Variants in NEK11 observed in about 807,000 individuals in gnomAD.
NEK11 encodes serine/threonine-protein kinase Nek11.
NEK11 carries 72 observed loss-of-function variants against 80.7 expected under a neutral mutation model. That is an observed-to-expected ratio of 0.89 (90% CI 0.74 to 1.08). NEK11 has a LOEUF of 1.08. NEK11 is among the 50% of genes least tolerant of loss of function. The pLI, the probability that NEK11 is intolerant of heterozygous loss-of-function variation, is 0.00. For synonymous variants in NEK11, 251 were observed against 260.7 expected, an observed-to-expected ratio of 0.96 and a Z score of 0.36; for missense variants, 764 against 763.6, an observed-to-expected ratio of 1.00 and a Z score of -0.01.
intron 3 of NEK11, among the ~76,000 whole-genome samples, chr3:131,079,831 C>T (rs1429383895): frequency 6.6e-6 from 1 of 151,884 alleles, no homozygotes; most frequent in Non-Finnish European, 1.5e-5. Context: ...AATATTGCTC[C>T]TATTGATATT....
chr3:131,040,308 A>G (rs2066283277), intron 3 of NEK11, among the ~76,000 whole-genome samples: 1 of 151,954 alleles, frequency 6.6e-6, no homozygotes, highest in Non-Finnish European at 1.5e-5. Flanking sequence ...TGAAAAAAAA[A>G]ACACCCAAAG....
At chr3:131,037,055 A>T (rs1039477145) in intron 3 of NEK11, among the ~76,000 whole-genome samples, 2 of 152,162 alleles carry the variant, frequency 1.3e-5, no homozygotes, top group Non-Finnish European at 1.5e-5. Context: ...GGATATCTAG[A>T]TTCTAGTGCC....
At chr3:131,247,634 A>G (rs2095625439) in intron 16 of NEK11, among the ~76,000 whole-genome samples, 1 of 151,822 alleles carries the variant, frequency 6.6e-6, no homozygotes, top group South Asian at 2.1e-4. Context: ...TATGAATTTT[A>G]GAGTTTCTTT....
chr3:131,263,031 T>A, intron 16 of NEK11, among the ~76,000 whole-genome samples: 1 of 152,206 alleles, frequency 6.6e-6, no homozygotes, highest in South Asian at 2.1e-4. Flanking sequence ...CCATGGCATA[T>A]ATGTGCCACA....
chr3:131,086,848 T>G (rs999861140), intron 4 of NEK11, among the ~76,000 whole-genome samples: 1 of 152,220 alleles, frequency 6.6e-6, no homozygotes, highest in African/African-American at 2.4e-5. Context: ...TGTGATGATA[T>G]GATTATTTTC....
chr3:131,232,636 G>A lies in NEK11; in HGVS notation c.1560+3948G>A, dbSNP rs2095352841. 3.9e-5 allele frequency among the ~76,000 whole-genome samples: 6 copies of A among 152,138 alleles called. No homozygotes were observed. In the South Asian group the frequency reaches 1.2e-3, roughly 32 times the overall value. ...CATTCAGAGGTTTTGAAATTCTTAGGAAAAACAATTGATTTTCTTCTTGGA... is the reference window on the plus strand; with the variant it reads ...CATTCAGAGGTTTTGAAATTCTTAGAAAAAACAATTGATTTTCTTCTTGGA... On this transcript the variant is annotated intron_variant, in intron 15 of 17. Coordinates refer to ENST00000383366, the MANE Select transcript of NEK11 (RefSeq NM_024800.5).
chr3:131,171,831 A>T (rs920645410), intron 14 of NEK11, among the ~76,000 whole-genome samples: 2 of 151,984 alleles, frequency 1.3e-5, no homozygotes, highest in African/African-American at 4.8e-5. Context: ...GGAACATGCT[A>T]AGCACTCAAT....
At chr3:131,178,415 G>T (rs1383702804) in intron 14 of NEK11, among the ~76,000 whole-genome samples, 2 of 152,042 alleles carry the variant, frequency 1.3e-5, no homozygotes, top group East Asian at 3.8e-4. Flanking sequence ...CAAACACATT[G>T]TACAGCTGTA....
intron 7 of NEK11, among the ~76,000 whole-genome samples, chr3:131,150,057 C>A (rs2089319708): frequency 6.6e-6 from 1 of 151,762 alleles, no homozygotes; most frequent in Non-Finnish European, 1.5e-5. Context: ...TTTCTAATTT[C>A]TTGTTTGACC....
intron 14 of NEK11, among the ~76,000 whole-genome samples, chr3:131,212,834 A>T (rs1006874393): frequency 6.6e-6 from 1 of 152,314 alleles, no homozygotes; most frequent in South Asian, 2.1e-4. Context: ...TGGCTAGGCC[A>T]TGGTAGTTTG....
chr3:131,248,981 A>C (rs954050169), intron 16 of NEK11, among the ~76,000 whole-genome samples: 3 of 152,034 alleles, frequency 2.0e-5, no homozygotes, highest in African/African-American at 7.2e-5. Context: ...TTGAATAGTT[A>C]ATATCCAAAT....
At chr3:131,280,055 T>G (rs571766971) in intron 17 of NEK11, among the ~76,000 whole-genome samples, 76 of 152,304 alleles carry the variant, frequency 5.0e-4, no homozygotes, top group African/African-American at 1.8e-3. Context: ...TTGAGATTTC[T>G]AGGGATCAGA....
At chr3:131,047,767 G>A (rs964507890) in intron 3 of NEK11, among the ~76,000 whole-genome samples, 68 of 152,184 alleles carry the variant, frequency 4.5e-4, no homozygotes, top group African/African-American at 1.6e-3. Context: ...CAGCCAGAAG[G>A]TGGCGCTTTC....
intron 17 of NEK11, among the ~76,000 whole-genome samples, chr3:131,310,870 G>T (rs959646125): frequency 1.3e-5 from 2 of 152,162 alleles, no homozygotes; most frequent in African/African-American, 4.8e-5. Context: ...CAATACCCTT[G>T]ACGGGATGTC....
chr3:131,203,761 GTGTGTGTATATATATATATATATA>G (rs2094340980), intron 14 of NEK11, among the ~76,000 whole-genome samples: 2 of 33,926 alleles, frequency 5.9e-5, no homozygotes, highest in Admixed American at 3.7e-4. Flanking sequence ...GTGTGTGTGT[GTGTGTGTATATATATATATATATA>G]TATATATATA....
chr3:131,062,467 G>A (rs2071061330), intron 3 of NEK11, among the ~76,000 whole-genome samples: 1 of 152,086 alleles, frequency 6.6e-6, no homozygotes, highest in Non-Finnish European at 1.5e-5. Flanking sequence ...ATACCCATTT[G>A]AAATACACAT....
chr3:131,115,956 T>TTC (rs1169134085), intron 5 of NEK11, among the ~76,000 whole-genome samples: 4 of 143,684 alleles, frequency 2.8e-5, no homozygotes, highest in African/African-American at 5.3e-5. Context: ...CTTTCTTTCT[T>TTC]TCTTTCTTTC....
At chr3:131,217,868 A>G (rs1319426956) in intron 14 of NEK11, among the ~76,000 whole-genome samples, 1 of 152,250 alleles carries the variant, frequency 6.6e-6, no homozygotes, top group Non-Finnish European at 1.5e-5. Flanking sequence ...TTTATGGAGC[A>G]TCTACCATGT....
At chr3:131,128,857 G>T (rs2083848558) in intron 5 of NEK11, among the ~76,000 whole-genome samples, 1 of 152,166 alleles carries the variant, frequency 6.6e-6, no homozygotes. Context: ...TCTAATAGGT[G>T]TGTAGTGGTA....
Sources: allele counts gnomAD v4.1 joint callset (sites outside exome capture counted in the v4.1 genomes callset), GRCh38; gene constraint gnomAD v4.1.1; transcripts MANE v1.5; gene names NCBI Gene and HGNC (gene_info 2026-07-23, HGNC 2026-07-21).